The following LDB2 variants were observed in gnomAD, a reference collection of about 807,000 sequenced individuals.
The protein encoded by LDB2 is LIM domain binding 2.
Under a neutral mutation model 44.3 loss-of-function variants are expected in LDB2, and 12 were observed. The observed-to-expected ratio is 0.27, with a 90% CI of 0.17 to 0.44. The LOEUF (loss-of-function observed/expected upper bound fraction) is 0.44, where lower values mean the gene tolerates loss of function less well. LDB2 is among the 20% of genes least tolerant of loss of function. LDB2 has a pLI of 1.00. For synonymous variants in LDB2, 164 were observed against 174.8 expected (o/e 0.94, Z 0.49); for missense variants, 344 against 473.5 (o/e 0.73, Z 2.54).
intron 1 of LDB2, among the ~76,000 whole-genome samples, chr4:16,819,398 T>A (rs183478224): frequency 6.9e-6 from 1 of 144,608 alleles, no homozygotes. Flanking sequence ...AAACATTCAG[T>A]ACTTTAGGTC....
At chr4:16,512,371 C>T (rs1722085949) in intron 5 of LDB2, among the ~76,000 whole-genome samples, 1 of 152,148 alleles carries the variant, frequency 6.6e-6, no homozygotes, top group Admixed American at 6.5e-5. Flanking sequence ...TACGTGTACA[C>T]ACACACCTGT....
chr4:16,660,730 CA>C (rs1741343245), intron 2 of LDB2, among the ~76,000 whole-genome samples: 1 of 152,186 alleles, frequency 6.6e-6, no homozygotes, highest in Non-Finnish European at 1.5e-5. Context: ...GGATAAATGA[CA>C]TCAACAATCC....
In LDB2 at chr4:16,502,696, G is replaced by A. The variant is rs145335480; in HGVS notation, c.1069C>T (p.Pro357Ser). The part of the protein sequence containing the change: ...GNNSPWNSKP[P>S]ATQETKSENP... ...TCTGATTTGGTCTCTTGAGTGGCGG[G>A]AGGTTTACTGTTCCACGGGCTGTTG... The change falls in exon 8 of 8, where the codon CCC becomes TCC. Residue 357 changes from proline to serine, a missense_variant. Transcript: ENST00000304523. 61 of 1,614,004 alleles carry A rather than the reference G, an allele frequency of 3.8e-5. No individual in the cohort carries two copies. The highest frequency in any genetic ancestry group is 1.7e-4 in the Middle Eastern group (1 of 6,060).
At chr4:16,534,125 T>G (rs1259560254) in intron 5 of LDB2, among the ~76,000 whole-genome samples, 1 of 152,118 alleles carries the variant, frequency 6.6e-6, no homozygotes, top group Non-Finnish European at 1.5e-5. Context: ...CAACTCACGT[T>G]CCTCTGATGA....
In LDB2 at chr4:16,562,658, C is replaced by T. The variant is rs531075527; in HGVS notation, c.615+23264G>A. Reference sequence around the variant, plus strand: ...TCAACCATTGTGGAAGTCAGTGTGGCCATTCCTCAGGGATCTAGAACTAGA... The same window carrying T: ...TCAACCATTGTGGAAGTCAGTGTGGTCATTCCTCAGGGATCTAGAACTAGA... On this transcript the variant is annotated intron_variant, in intron 5 of 7. Coordinates refer to ENST00000304523, the MANE Select transcript of LDB2 (RefSeq NM_001290.5). 5.7e-3 allele frequency among the ~76,000 whole-genome samples: 875 copies of T among 152,302 alleles called. 9 individuals are homozygous for T. The highest frequency in any genetic ancestry group is 0.016 in the African/African-American group (680 of 41,570).
Position 16,866,723 on chromosome 4 carries a change from A to G in LDB2, c.132+31631T>C, listed in dbSNP as rs78733162. Among the ~76,000 whole-genome samples the G allele has an allele frequency of 8.8e-3, 1,338 of 152,332 alleles. 17 individuals carry two copies. The highest frequency in any genetic ancestry group is 0.03 in the African/African-American group (1,252 of 41,574). ...ATATTCCACTGACATGTTAACTGAT[A>G]AAACATACAAAAACGTCCTGTCTTG... is the stretch of plus-strand genomic sequence containing the variant. On this transcript the variant is annotated intron_variant, in intron 1 of 7. Coordinates refer to ENST00000304523, the MANE Select transcript of LDB2 (RefSeq NM_001290.5).
At chr4:16,725,592 T>C (rs2152689122) in intron 2 of LDB2, among the ~76,000 whole-genome samples, 1 of 152,236 alleles carries the variant, frequency 6.6e-6, no homozygotes, top group African/African-American at 2.4e-5. Flanking sequence ...CACTTTCTAC[T>C]TAGAACCGAC....
intron 2 of LDB2, among the ~76,000 whole-genome samples, chr4:16,692,724 A>C (rs1378435259): frequency 2.0e-5 from 3 of 152,126 alleles, no homozygotes; most frequent in Non-Finnish European, 4.4e-5. Context: ...AGATATGATG[A>C]TTTGTCTTGG....
chr4:16,624,636 A>G (rs1172410224), intron 2 of LDB2, among the ~76,000 whole-genome samples: 2 of 152,134 alleles, frequency 1.3e-5, no homozygotes, highest in South Asian at 2.1e-4. Flanking sequence ...AAAATCAATC[A>G]TTGCTCAATA....
At chr4:16,759,285 T>C in intron 1 of LDB2, 25 bp from the exon 2 acceptor site, 1 of 1,494,776 alleles carries the variant, frequency 6.7e-7, no homozygotes, top group East Asian at 2.3e-5. Flanking sequence ...ATCATTTATT[T>C]AACAAGGGAA....
intron 2 of LDB2, among the ~76,000 whole-genome samples, chr4:16,600,543 A>G (rs1440172133): frequency 1.3e-5 from 2 of 152,214 alleles, no homozygotes; most frequent in African/African-American, 4.8e-5. Flanking sequence ...CACACATTAA[A>G]TTATTCAGGT....
At chr4:16,580,118 T>C (rs1444549858) in intron 5 of LDB2, among the ~76,000 whole-genome samples, 4 of 152,168 alleles carry the variant, frequency 2.6e-5, no homozygotes, top group Non-Finnish European at 5.9e-5. Context: ...CAGTGAGTCA[T>C]GCTGTGCAAA....
chr4:16,592,515 CACACACAA>C (rs1719486555), intron 3 of LDB2, among the ~76,000 whole-genome samples: 4 of 145,498 alleles, frequency 2.7e-5, no homozygotes, highest in Non-Finnish European at 6.0e-5. Context: ...TACACACACA[CACACACAA>C]ACACACACAT....
chr4:16,625,830 T>C (rs1483439748), intron 2 of LDB2, among the ~76,000 whole-genome samples: 6 of 152,170 alleles, frequency 3.9e-5, no homozygotes, highest in African/African-American at 9.7e-5. Context: ...GTGTCTCCAA[T>C]GTCTCCTACT....
At chr4:16,576,986 C>T (rs989574158) in intron 5 of LDB2, among the ~76,000 whole-genome samples, 5 of 152,064 alleles carry the variant, frequency 3.3e-5, no homozygotes, top group South Asian at 2.1e-4. Context: ...GAAAGCCATA[C>T]GATCATTTCA....
chr4:16,876,830 C>G lies in LDB2; in HGVS notation c.132+21524G>C. 2.0e-5 allele frequency among the ~76,000 whole-genome samples: 3 copies of G among 152,090 alleles called. 1 individual carries two copies. The Middle Eastern group carries it at 0.01, about 517-fold the overall frequency. The stretch of plus-strand genomic sequence containing the variant: ...ATCCTCAAAAATCTCTCCTCACTAA[C>G]CAAATACTCCATCCATTGTATAAAC... On this transcript the variant is annotated intron_variant, in intron 1 of 7. Transcript: ENST00000304523.
At chr4:16,739,097 C>T (rs1762439577) in intron 2 of LDB2, among the ~76,000 whole-genome samples, 1 of 152,110 alleles carries the variant, frequency 6.6e-6, no homozygotes, top group African/African-American at 2.4e-5. Context: ...AAGTGGGCTT[C>T]TCTTTAATTA....
At chr4:16,600,969 T>C (rs1456556240) in intron 2 of LDB2, among the ~76,000 whole-genome samples, 1 of 152,148 alleles carries the variant, frequency 6.6e-6, no homozygotes, top group Non-Finnish European at 1.5e-5. Context: ...TTATCTCTTT[T>C]AGTAATTATG....
chr4:16,882,980 A>G (rs927254524), intron 1 of LDB2, among the ~76,000 whole-genome samples: 1 of 152,250 alleles, frequency 6.6e-6, no homozygotes, highest in African/African-American at 2.4e-5. Flanking sequence ...AAATTTTAGT[A>G]GATTCTGCAT....
Sources: gnomAD v4.1 joint callset for allele counts (sites outside exome capture counted in the v4.1 genomes callset) on GRCh38, gnomAD v4.1.1 for gene constraint, MANE v1.5 for transcripts, NCBI Gene and HGNC (gene_info 2026-07-23, HGNC 2026-07-21) for gene names.